HS6ST3: variants seen among roughly 807,000 people sequenced by gnomAD.
HS6ST3 encodes the protein heparan-sulfate 6-O-sulfotransferase 3.
HS6ST3 carries 12 observed loss-of-function variants against 36.7 expected under a neutral mutation model. The observed-to-expected ratio is 0.33, with a 90% CI of 0.21 to 0.53. HS6ST3 has a LOEUF of 0.53. Ranked by LOEUF, HS6ST3 falls within the 20% of genes least tolerant of loss-of-function variation. The pLI is 0.95. For missense variants in HS6ST3, 584 were observed against 640.9 expected (o/e 0.91, Z 0.96); for synonymous variants, 240 against 257.5 (o/e 0.93, Z 0.65).
At chr13:96,731,265 G>A (rs147896100) in intron 1 of HS6ST3, among the ~76,000 whole-genome samples, 58 of 152,078 alleles carry the variant, frequency 3.8e-4, no homozygotes, top group African/African-American at 1.4e-3. Flanking sequence ...TCCCAGTCTC[G>A]GGTAACCACC....
chr13:96,245,595 C>T (rs1395165832), intron 1 of HS6ST3, among the ~76,000 whole-genome samples: 2 of 152,014 alleles, frequency 1.3e-5, no homozygotes, highest in Non-Finnish European at 2.9e-5. Flanking sequence ...TCAAGTTATC[C>T]TTTTTCCGAT....
intron 1 of HS6ST3, among the ~76,000 whole-genome samples, chr13:96,782,864 T>C (rs1016021322): frequency 1.3e-5 from 2 of 151,960 alleles, no homozygotes; most frequent in African/African-American, 4.8e-5. Context: ...CTCCCAGAAA[T>C]ACCTCAAGTG....
chr13:96,656,417 G>C lies in HS6ST3; in HGVS notation c.708-176073G>C, dbSNP rs376800270. 6.4e-4 allele frequency among the ~76,000 whole-genome samples: 98 copies of C among 152,218 alleles called. No homozygotes were observed. In the Middle Eastern group the frequency reaches 0.024, roughly 37 times the overall value. ...ATTTCTGTCACAAATCAAAAGTTCA[G>C]ATCTAGAAGTTATTAGATAGTAAAC... On this transcript the variant is annotated intron_variant, in intron 1 of 1. Transcript: ENST00000376705.
At position 96,574,209 on chromosome 13, in the gene HS6ST3, A is replaced by G. The variant is rs146103298; in HGVS notation, c.708-258281A>G. The G allele has an allele frequency of 7.2e-3, 3,598 of 500,946 alleles. 20 individuals are homozygous for G. The highest frequency in any genetic ancestry group is 8.9e-3 in the Non-Finnish European group (2,222 of 248,432). The allele number at this position is 500,946 out of a possible 1,614,324, so 31.0% of individuals were successfully genotyped here. On this transcript the variant is annotated intron_variant, in intron 1 of 1. Transcript: ENST00000376705. Reference sequence around the variant, plus strand: ...AAGCTTTTCTGCTCTGTCTCCCTCCATACTAACTTTGAGGATGCTAGTGAT... The same window carrying G: ...AAGCTTTTCTGCTCTGTCTCCCTCCGTACTAACTTTGAGGATGCTAGTGAT...
At chr13:96,793,373 C>T (rs1038626462) in intron 1 of HS6ST3, among the ~76,000 whole-genome samples, 4 of 152,004 alleles carry the variant, frequency 2.6e-5, no homozygotes, top group Non-Finnish European at 4.4e-5. Flanking sequence ...CCTGGAAACC[C>T]CCGGGTACCT....
intron 1 of HS6ST3, among the ~76,000 whole-genome samples, chr13:96,202,386 C>T (rs921736412): frequency 1.3e-5 from 2 of 152,292 alleles, no homozygotes; most frequent in East Asian, 1.9e-4. Flanking sequence ...TATGTAACTG[C>T]GCTGATTTCA....
intron 1 of HS6ST3, among the ~76,000 whole-genome samples, chr13:96,145,678 T>G (rs1167639836): frequency 6.6e-6 from 1 of 152,196 alleles, no homozygotes; most frequent in African/African-American, 2.4e-5. Context: ...TTTGTCAATT[T>G]TGTCTTTTGT....
intron 1 of HS6ST3, among the ~76,000 whole-genome samples, chr13:96,554,277 G>A (rs896110104): frequency 2.0e-5 from 3 of 152,060 alleles, no homozygotes; most frequent in Non-Finnish European, 2.9e-5. Flanking sequence ...CAAACCAAGA[G>A]GTGAGAATTT....
At chr13:96,281,039 G>T (rs1238990590) in intron 1 of HS6ST3, among the ~76,000 whole-genome samples, 2 of 151,944 alleles carry the variant, frequency 1.3e-5, no homozygotes, top group Non-Finnish European at 2.9e-5. Context: ...ATGGAGTCTC[G>T]CTCTATCACT....
Position 96,427,236 on chromosome 13 carries a change from C to T in HS6ST3, c.707+335667C>T, listed in dbSNP as rs958434294. ...TTCCAGTCTATCACTTGTTATGTGA[C>T]CTCGGATGAATCACTGAAATATGTC... is the stretch of plus-strand genomic sequence containing the variant. On this transcript the variant is annotated intron_variant, in intron 1 of 1. Transcript: ENST00000376705. The T allele has an allele frequency of 1.3e-5, 2 of 154,410 alleles. 1 individual carries two copies. 9.6% of individuals were successfully genotyped at this position (154,410 alleles called of 1,614,324 possible).
intron 1 of HS6ST3, among the ~76,000 whole-genome samples, chr13:96,108,607 G>C (rs1594678875): frequency 2.0e-5 from 3 of 152,034 alleles, no homozygotes; most frequent in African/African-American, 7.3e-5. Context: ...CGGACACCCA[G>C]CTTTAAAATT....
chr13:96,802,296 A>G (rs985961732), intron 1 of HS6ST3, among the ~76,000 whole-genome samples: 4 of 152,158 alleles, frequency 2.6e-5, no homozygotes, highest in Admixed American at 2.0e-4. Context: ...AAAGAAAGAA[A>G]AGTGACTGTT....
intron 1 of HS6ST3, among the ~76,000 whole-genome samples, chr13:96,658,889 G>T (rs991385941): frequency 1.3e-5 from 2 of 151,466 alleles, no homozygotes; most frequent in African/African-American, 4.8e-5. Flanking sequence ...TGTATTTTTA[G>T]TAGAGATGGA....
intron 1 of HS6ST3, among the ~76,000 whole-genome samples, chr13:96,267,182 C>T (rs977846067): frequency 1.3e-5 from 2 of 152,164 alleles, no homozygotes; most frequent in Non-Finnish European, 2.9e-5. Flanking sequence ...TCCTCCTTCA[C>T]CTTCCACCAT....
At chr13:96,524,467 G>C (rs557965893) in intron 1 of HS6ST3, among the ~76,000 whole-genome samples, 1 of 152,342 alleles carries the variant, frequency 6.6e-6, no homozygotes, top group East Asian at 1.9e-4. Flanking sequence ...TGCCCCCAGA[G>C]GTGGAATCTA....
intron 1 of HS6ST3, among the ~76,000 whole-genome samples, chr13:96,232,074 G>C (rs1355980788): frequency 6.6e-6 from 1 of 152,178 alleles, no homozygotes; most frequent in African/African-American, 2.4e-5. Flanking sequence ...GCATTGACCA[G>C]ATCTGGAAAA....
intron 1 of HS6ST3, among the ~76,000 whole-genome samples, chr13:96,320,808 G>A (rs926702825): frequency 6.6e-6 from 1 of 152,204 alleles, no homozygotes; most frequent in Non-Finnish European, 1.5e-5. Flanking sequence ...TGAGTGAGAC[G>A]TTGGGTCAGT....
chr13:96,708,997 A>G (rs1004362472), intron 1 of HS6ST3, among the ~76,000 whole-genome samples: 2 of 152,082 alleles, frequency 1.3e-5, no homozygotes. Context: ...CTGTGTCCCC[A>G]GCCAAATCTC....
At position 96,417,665 on chromosome 13, in the gene HS6ST3, TAAAC is replaced by T. The variant is rs1336047659; in HGVS notation, c.707+326098_707+326101del. Among the ~76,000 whole-genome samples the T allele has an allele frequency of 5.5e-5, 8 of 144,666 alleles. No homozygotes were observed. The South Asian group carries it at 7.2e-4, about 13-fold the overall frequency. The allele number at this position is 144,666 out of a possible 152,430, so 94.9% of individuals were successfully genotyped here. ...AGATATATACATGTATATATGTAAA[TAAAC>T]ATTTAACTATATATACATATACCTA... On this transcript the variant is annotated intron_variant, in intron 1 of 1. Transcript: ENST00000376705.
Sources: allele counts gnomAD v4.1 joint callset (sites outside exome capture counted in the v4.1 genomes callset), GRCh38; gene constraint gnomAD v4.1.1; transcripts MANE v1.5; gene names NCBI Gene and HGNC (gene_info 2026-07-23, HGNC 2026-07-21).